Variants in SATL1 observed in about 807,000 individuals in gnomAD.
The protein encoded by SATL1 is spermidine/spermine N(1)-acetyltransferase-like protein 1.
A neutral mutation model predicts 51.8 loss-of-function variants in SATL1; 47 were observed. The observed-to-expected ratio is 0.91, with a 90% CI of 0.72 to 1.16. The LOEUF is 1.16. SATL1 is among the 50% of genes most tolerant of loss of function. The pLI, the probability that SATL1 is intolerant of heterozygous loss-of-function variation, is 0.00. For synonymous variants in SATL1, 176 were observed against 182.4 expected (o/e 0.97, Z 0.28); for missense variants, 520 against 526.4 (o/e 0.99, Z 0.12).
In SATL1 at chrX:85,239,731, T is replaced by A. The variant is rs1928549079; in HGVS notation, c.-435+3857A>T. Among the ~76,000 whole-genome samples, 3 of 111,859 alleles carry A rather than the reference T, an allele frequency of 2.7e-5. 1 individual carries two copies. The Admixed American group carries it at 2.8e-4, about 11-fold the overall frequency. The stretch of plus-strand genomic sequence containing the variant: ...CCTACATGAATATGGCCATTTGATA[T>A]TTTTACAAAGATACACAGGCAATTC... On this transcript the variant is annotated intron_variant, in intron 1 of 7. Transcript: ENST00000644105.
At chrX:85,209,186 G>A (rs1417350076) in intron 2 of SATL1, 1 of 111,985 alleles carries the variant, frequency 8.9e-6, no homozygotes, top group Non-Finnish European at 1.9e-5. Flanking sequence ...GTTTGTCAAA[G>A]ATCAGATGGT....
chrX:85,237,723 C>A (rs1206199001), intron 1 of SATL1, among the ~76,000 whole-genome samples: 1 of 111,310 alleles, frequency 9.0e-6, no homozygotes, highest in South Asian at 3.7e-4. Context: ...AGGATCATAT[C>A]AAGTTAAACA....
chrX:85,165,398 T>C (rs997459860), intron 2 of SATL1, among the ~76,000 whole-genome samples: 1 of 111,167 alleles, frequency 9.0e-6, no homozygotes, highest in African/African-American at 3.3e-5. Flanking sequence ...AGCTGTGATT[T>C]TTTTTTTCTT....
At chrX:85,116,179 A>G (rs1193733572) in intron 2 of SATL1, 4 of 111,912 alleles carry the variant, frequency 3.6e-5, no homozygotes, top group Non-Finnish European at 7.5e-5. Context: ...GTCGCATGGC[A>G]TCAACGTATG....
rs1309389061 is a variant in SATL1 at position 85,153,414 on chromosome X, A to T, written c.-312-44134T>A. On this transcript the variant is annotated intron_variant, in intron 2 of 7. Coordinates refer to ENST00000644105, the MANE Select transcript of SATL1 (RefSeq NM_001367857.2). ...GAATACAGGTATAAGCCGTAGGCAA[A>T]ATGCTGACAATTTAAAAAACAGTCT... is the stretch of plus-strand genomic sequence containing the variant. Among the ~76,000 whole-genome samples the T allele has an allele frequency of 3.6e-5, 4 of 111,442 alleles. No homozygotes were observed. In the Admixed American group the frequency reaches 3.8e-4, roughly 11 times the overall value.
chrX:85,204,961 TA>T (rs1569246835), intron 2 of SATL1, among the ~76,000 whole-genome samples: 1 of 112,249 alleles, frequency 8.9e-6, no homozygotes, highest in Non-Finnish European at 1.9e-5. Flanking sequence ...TTCTTGTTCT[TA>T]TTCTTCTTAT....
intron 2 of SATL1, among the ~76,000 whole-genome samples, chrX:85,130,440 G>T (rs1925756200): frequency 8.9e-6 from 1 of 111,791 alleles, no homozygotes; most frequent in African/African-American, 3.3e-5. Flanking sequence ...GCATAGAGGT[G>T]TTTATAGTAT....
intron 2 of SATL1, among the ~76,000 whole-genome samples, chrX:85,185,293 T>A (rs1447998640): frequency 8.9e-6 from 1 of 112,699 alleles, no homozygotes; most frequent in Non-Finnish European, 1.9e-5. Context: ...AAGCCAGCAC[T>A]GTATTTCACT....
chrX:85,128,845 A>G (rs1340405247), intron 2 of SATL1, among the ~76,000 whole-genome samples: 1 of 112,261 alleles, frequency 8.9e-6, no homozygotes, highest in Non-Finnish European at 1.9e-5. Flanking sequence ...GAAGGGATCC[A>G]GTTTCAGCTT....
intron 2 of SATL1, among the ~76,000 whole-genome samples, chrX:85,133,662 T>G (rs55838956): frequency 0.15 from 16,188 of 111,226 alleles, 1,262 homozygotes; most frequent in African/African-American, 0.29. Flanking sequence ...CTGCACCCAC[T>G]GTCCGACCAG....
chrX:85,235,876 A>G (rs1311255931), intron 1 of SATL1, among the ~76,000 whole-genome samples: 1 of 111,433 alleles, frequency 9.0e-6, no homozygotes, highest in Non-Finnish European at 1.9e-5. Flanking sequence ...AATGCAATAA[A>G]AAGATTGATG....
At chrX:85,177,752 T>C (rs148972307) in intron 2 of SATL1, among the ~76,000 whole-genome samples, 1,683 of 112,028 alleles carry the variant, frequency 0.015, 19 homozygotes, top group Non-Finnish European at 0.024. Flanking sequence ...AGAGCAATTA[T>C]ACTAATTTTG....
At chrX:85,116,153 A>G (rs1322155047) in intron 2 of SATL1, 1 of 111,940 alleles carries the variant, frequency 8.9e-6, no homozygotes, top group East Asian at 2.8e-4. Flanking sequence ...GTATGTTAGC[A>G]GCAGATTATA....
chrX:85,202,621 G>C (rs1927709063), intron 2 of SATL1, among the ~76,000 whole-genome samples: 1 of 111,903 alleles, frequency 8.9e-6, no homozygotes, highest in Non-Finnish European at 1.9e-5. Flanking sequence ...TGTGGCCAAG[G>C]GTCCTTCGCT....
chrX:85,130,594 C>A (rs934201890), intron 2 of SATL1, among the ~76,000 whole-genome samples: 2 of 111,568 alleles, frequency 1.8e-5, no homozygotes, highest in Non-Finnish European at 3.8e-5. Context: ...TTTCAAAAAA[C>A]CAGCTCCTAG....
intron 2 of SATL1, among the ~76,000 whole-genome samples, chrX:85,184,577 C>T (rs1018403853): frequency 4.5e-5 from 5 of 111,605 alleles, no homozygotes; most frequent in African/African-American, 6.5e-5. Context: ...AAGCTCAATT[C>T]TTTTTTTGCT....
Position 85,092,412 on chromosome X carries a change from C to T in SATL1, c.2067G>A (p.Leu689=). 1 of 1,176,952 alleles carries T rather than the reference C, an allele frequency of 8.5e-7. No individual in the cohort carries two copies. The highest frequency in any genetic ancestry group is 1.1e-6 in the Non-Finnish European group (1 of 878,182). The change falls in exon 8 of 8, where the codon CTG becomes CTA. Residue 689 remains leucine (L), a synonymous_variant. Transcript: ENST00000644105. ...TCTTTCATTCTTCCCATGCCATGTCCAGGAGTTCTTCTCTGTTAAACCTGA... is the reference window on the plus strand; with the variant it reads ...TCTTTCATTCTTCCCATGCCATGTCTAGGAGTTCTTCTCTGTTAAACCTGA... ...HLFRFNREEL[L]DMAWEE
In SATL1 at chrX:85,107,838, G is replaced by A; in HGVS notation, c.1131C>T (p.Ser377=). The A allele has an allele frequency of 1.7e-6, 2 of 1,211,502 alleles. No homozygotes were observed. The highest frequency in any genetic ancestry group is 2.2e-6 in the Non-Finnish European group (2 of 895,488). The change falls in exon 3 of 8, where the codon AGC becomes AGT. Residue 377 remains serine, a synonymous_variant. Transcript: ENST00000644105. The stretch of plus-strand genomic sequence containing the variant: ...TGTCTAGTTGCCACATCACTGGTTG[G>A]CTTATACCTGATTGGTTTGTGCCTG... The part of the protein sequence containing the change: ...SQAGTNQSGI[S]QPVMWQLDMR...
chrX:85,193,460 A>G (rs950288951), intron 2 of SATL1, among the ~76,000 whole-genome samples: 1 of 111,889 alleles, frequency 8.9e-6, no homozygotes, highest in Non-Finnish European at 1.9e-5. Flanking sequence ...GCTGCCCACT[A>G]TATACATTCA....
Sources: gnomAD v4.1 joint callset for allele counts (sites outside exome capture counted in the v4.1 genomes callset) on GRCh38, gnomAD v4.1.1 for gene constraint, MANE v1.5 for transcripts, NCBI Gene and HGNC (gene_info 2026-07-23, HGNC 2026-07-21) for gene names.